The following PCDH9 variants were observed in gnomAD, a reference collection of about 807,000 sequenced individuals.
PCDH9 encodes the protein protocadherin 9.
A neutral mutation model predicts 70.6 loss-of-function variants in PCDH9; 24 were observed. The observed-to-expected ratio is 0.34, with a 90% CI of 0.25 to 0.48. The LOEUF is 0.48. PCDH9 is among the 20% of genes least tolerant of loss of function. PCDH9 has a pLI of 0.99. For synonymous variants in PCDH9, 562 were observed against 558.5 expected, an observed-to-expected ratio of 1.01 and a Z score of -0.09; for missense variants, 1,281 against 1,503.6, an observed-to-expected ratio of 0.85 and a Z score of 2.45.
chr13:66,665,663 T>C (rs957187048), intron 3 of PCDH9, among the ~76,000 whole-genome samples: 12 of 152,174 alleles, frequency 7.9e-5, no homozygotes, highest in Non-Finnish European at 1.6e-4. Context: ...CATGATGTAG[T>C]CTATTTTTTA....
chr13:67,068,053 A>G (rs1235840772), intron 2 of PCDH9, among the ~76,000 whole-genome samples: 1 of 152,126 alleles, frequency 6.6e-6, no homozygotes, highest in Non-Finnish European at 1.5e-5. Context: ...ATAACTTCAG[A>G]AAGCAGTGTA....
intron 2 of PCDH9, among the ~76,000 whole-genome samples, chr13:67,058,186 G>A (rs1350019752): frequency 6.6e-6 from 1 of 152,106 alleles, no homozygotes; most frequent in Admixed American, 6.6e-5. Flanking sequence ...CTCTCAGTAT[G>A]TAAATAAAGC....
intron 3 of PCDH9, among the ~76,000 whole-genome samples, chr13:66,902,922 T>A (rs549036451): frequency 1.3e-5 from 2 of 151,894 alleles, no homozygotes; most frequent in South Asian, 4.1e-4. Flanking sequence ...AGAACAACTA[T>A]GGATCTTCTA....
intron 4 of PCDH9, among the ~76,000 whole-genome samples, chr13:66,443,050 G>T (rs1295178652): frequency 1.3e-5 from 2 of 152,162 alleles, no homozygotes; most frequent in Non-Finnish European, 2.9e-5. Flanking sequence ...TGGACCCTCT[G>T]TGAATGCCAA....
chr13:67,112,775 T>C (rs2086683161), intron 2 of PCDH9, among the ~76,000 whole-genome samples: 3 of 151,658 alleles, frequency 2.0e-5, no homozygotes, highest in African/African-American at 7.3e-5. Context: ...TGGAGTACAG[T>C]TGAACAATCA....
intron 4 of PCDH9, among the ~76,000 whole-genome samples, chr13:66,516,863 T>C (rs773965607): frequency 1.7e-4 from 26 of 152,176 alleles, no homozygotes; most frequent in Non-Finnish European, 3.7e-4. Flanking sequence ...AGAATATCTT[T>C]CCTGTTAATT....
At chr13:66,419,577 G>C (rs564656743) in intron 4 of PCDH9, among the ~76,000 whole-genome samples, 1 of 151,922 alleles carries the variant, frequency 6.6e-6, no homozygotes, top group African/African-American at 2.4e-5. Flanking sequence ...CACTAGTTGA[G>C]GGAAGCCATG....
intron 4 of PCDH9, among the ~76,000 whole-genome samples, chr13:66,422,712 T>G (rs981074155): frequency 1.8e-4 from 27 of 151,976 alleles, no homozygotes; most frequent in African/African-American, 6.5e-4. Flanking sequence ...GGGAAAGATC[T>G]AAAATCAACA....
At chr13:67,180,649 C>A (rs948294404) in intron 2 of PCDH9, among the ~76,000 whole-genome samples, 1 of 152,136 alleles carries the variant, frequency 6.6e-6, no homozygotes, top group Non-Finnish European at 1.5e-5. Context: ...TTGGTCTTCA[C>A]GAGCGGAGCC....
At chr13:67,183,746 A>G (rs1254144564) in intron 2 of PCDH9, among the ~76,000 whole-genome samples, 2 of 152,190 alleles carry the variant, frequency 1.3e-5, no homozygotes, top group Non-Finnish European at 2.9e-5. Flanking sequence ...TTGGAAAAAC[A>G]CTTTCAATGA....
chr13:66,342,370 A>G (rs957783736), intron 4 of PCDH9, among the ~76,000 whole-genome samples: 5 of 152,376 alleles, frequency 3.3e-5, no homozygotes, highest in Non-Finnish European at 5.9e-5. Context: ...GCGTTTTACA[A>G]CTATAAAGAT....
At chr13:66,809,487 C>T (rs904936860) in intron 3 of PCDH9, among the ~76,000 whole-genome samples, 35 of 152,000 alleles carry the variant, frequency 2.3e-4, no homozygotes, top group East Asian at 7.7e-4. Context: ...AGTCAAAGTA[C>T]GAAAAAATCA....
At chr13:66,912,079 A>C (rs893105488) in intron 2 of PCDH9, among the ~76,000 whole-genome samples, 16 of 152,202 alleles carry the variant, frequency 1.1e-4, no homozygotes, top group Non-Finnish European at 2.4e-4. Flanking sequence ...TCTGCAACAC[A>C]GATAAAAGTA....
In PCDH9 at chr13:66,843,239, C is replaced by T. The variant is rs114316155; in HGVS notation, c.3138+60265G>A. Among the ~76,000 whole-genome samples the T allele has an allele frequency of 5.1e-3, 783 of 152,114 alleles. 8 individuals are homozygous for T. Among genetic ancestry groups the T allele is most frequent in the African/African-American group, 0.018 (736 of 41,484 alleles). On this transcript the variant is annotated intron_variant, in intron 3 of 4. Coordinates refer to ENST00000377865, the MANE Select transcript of PCDH9 (RefSeq NM_203487.3). ...TGTAGACAGAGACAGATGGAAAAGC[C>T]CAAATATTGTAAACCTCCCAACATC... is the stretch of plus-strand genomic sequence containing the variant.
intron 4 of PCDH9, among the ~76,000 whole-genome samples, chr13:66,601,970 AT>A (rs1296885168): frequency 6.9e-6 from 1 of 145,726 alleles, no homozygotes; most frequent in Non-Finnish European, 1.5e-5. Flanking sequence ...TATTTACTAT[AT>A]TTTACTCTTT....
At position 66,304,366 on chromosome 13, in the gene PCDH9, G is replaced by C; in HGVS notation, c.*289C>G. ...TTACTTTCCAAATGCATATTCTATT[G>C]TTCATAGCAGCAGTCCAGGGTCAAA... is the stretch of plus-strand genomic sequence containing the variant. On this transcript the variant is annotated 3_prime_UTR_variant, in exon 5 of 5. Coordinates refer to ENST00000377865, the MANE Select transcript of PCDH9 (RefSeq NM_203487.3). 4.7e-6 allele frequency: 1 copy of C among 213,062 alleles called. No homozygotes were observed. The highest frequency in any genetic ancestry group is 5.7e-5 in the Admixed American group (1 of 17,674). The allele number at this position is 213,062 out of a possible 1,614,324, so 13.2% of individuals were successfully genotyped here.
chr13:66,880,877 G>A (rs2081910324), intron 3 of PCDH9, among the ~76,000 whole-genome samples: 1 of 152,210 alleles, frequency 6.6e-6, no homozygotes, highest in Non-Finnish European at 1.5e-5. Flanking sequence ...AATATTGAGT[G>A]TGATGTTGTG....
At chr13:67,074,488 C>T (rs1307089391) in intron 2 of PCDH9, among the ~76,000 whole-genome samples, 1 of 152,108 alleles carries the variant, frequency 6.6e-6, no homozygotes, top group Non-Finnish European at 1.5e-5. Context: ...TGGACTAAGA[C>T]ACTGTTTATC....
intron 3 of PCDH9, among the ~76,000 whole-genome samples, chr13:66,802,717 T>TAA (rs2080346254): frequency 6.6e-6 from 1 of 152,146 alleles, no homozygotes; most frequent in African/African-American, 2.4e-5. Context: ...TTAAATGTTT[T>TAA]TTATATAGCA....
Sources: allele counts gnomAD v4.1 joint callset (sites outside exome capture counted in the v4.1 genomes callset), GRCh38; gene constraint gnomAD v4.1.1; transcripts MANE v1.5; gene names NCBI Gene and HGNC (gene_info 2026-07-23, HGNC 2026-07-21).